The following PLD5 variants were observed in gnomAD, a reference collection of about 807,000 sequenced individuals.
PLD5 encodes inactive phospholipase D5.
Under a neutral mutation model 61.1 loss-of-function variants are expected in PLD5, and 36 were observed. The observed-to-expected ratio is 0.59, with a 90% CI of 0.45 to 0.78. The LOEUF (loss-of-function observed/expected upper bound fraction) is 0.78, where lower values mean the gene tolerates loss of function less well. PLD5 is among the 30% of genes least tolerant of loss of function. The pLI is 0.00. For missense variants in PLD5, 515 were observed against 644.4 expected (o/e 0.80, Z 2.17); for synonymous variants, 243 against 242.8 (o/e 1.00, Z -0.01).
At chr1:242,210,525 C>G (rs1669740899) in intron 5 of PLD5, 1 of 153,494 alleles carries the variant, frequency 6.5e-6, no homozygotes, top group African/African-American at 2.4e-5. Flanking sequence ...GTGAAAATGG[C>G]CGGTCCTTGC....
Position 242,395,557 on chromosome 1 carries a change from G to A in PLD5, c.190-47315C>T, listed in dbSNP as rs1364120372. 2.6e-5 allele frequency among the ~76,000 whole-genome samples: 4 copies of A among 152,244 alleles called. No homozygotes were observed. In the East Asian group the frequency reaches 7.7e-4, roughly 29 times the overall value. The stretch of plus-strand genomic sequence containing the variant: ...AAACTTGACCACAAGCAAATCATTT[G>A]TACTAACTATTGGAGATATTGCAAG... On this transcript the variant is annotated intron_variant, in intron 1 of 9. Transcript: ENST00000536534.
intron 4 of PLD5, among the ~76,000 whole-genome samples, chr1:242,249,646 A>G (rs745335985): frequency 5.3e-5 from 8 of 152,212 alleles, no homozygotes; most frequent in Non-Finnish European, 8.8e-5. Flanking sequence ...AACTTAGAAC[A>G]CCTCAGCAAA....
chr1:242,107,505 T>TCC (rs58760597), intron 8 of PLD5, among the ~76,000 whole-genome samples, 166 bp downstream of exon 8: 38 of 144,478 alleles, frequency 2.6e-4, no homozygotes, highest in African/African-American at 8.3e-4. Flanking sequence ...AGCTCTACTC[T>TCC]TTTTTTCGTA....
intron 1 of PLD5, among the ~76,000 whole-genome samples, chr1:242,387,008 T>A (rs938229827): frequency 2.0e-5 from 3 of 152,326 alleles, no homozygotes. Flanking sequence ...AGGGGGAAAT[T>A]ATACTCACAG....
chr1:242,249,556 C>A (rs1008635315), intron 4 of PLD5, among the ~76,000 whole-genome samples: 1 of 152,128 alleles, frequency 6.6e-6, no homozygotes, highest in Admixed American at 6.5e-5. Flanking sequence ...AACATTAATA[C>A]CCTTGACTTT....
At chr1:242,342,242 AGTG>A (rs1199512607) in intron 2 of PLD5, among the ~76,000 whole-genome samples, 2 of 152,190 alleles carry the variant, frequency 1.3e-5, no homozygotes, top group African/African-American at 4.8e-5. Context: ...GTCTCTAATA[AGTG>A]GTGGAGTAGC....
chr1:242,277,027 C>T (rs2455523), intron 3 of PLD5, among the ~76,000 whole-genome samples: 1 of 152,090 alleles, frequency 6.6e-6, no homozygotes, highest in Non-Finnish European at 1.5e-5. Context: ...AAGCAGGAGG[C>T]TGGTAACCAG....
chr1:242,134,650 T>C (rs1004116334), intron 5 of PLD5, among the ~76,000 whole-genome samples: 1 of 152,230 alleles, frequency 6.6e-6, no homozygotes, highest in Non-Finnish European at 1.5e-5. Flanking sequence ...TTTTTACTTC[T>C]GTGTGTTGCT....
intron 4 of PLD5, among the ~76,000 whole-genome samples, chr1:242,240,118 A>C (rs1671902064): frequency 6.6e-6 from 1 of 152,170 alleles, no homozygotes; most frequent in Admixed American, 6.5e-5. Flanking sequence ...TTTATTTTAC[A>C]CTGCACATGG....
chr1:242,363,042 A>G (rs1661155971), intron 1 of PLD5, among the ~76,000 whole-genome samples: 1 of 152,116 alleles, frequency 6.6e-6, no homozygotes, highest in East Asian at 1.9e-4. Context: ...AGGGCAGAAA[A>G]CCAGAGAGAG....
chr1:242,175,551 C>A (rs1165380675), intron 5 of PLD5, among the ~76,000 whole-genome samples: 1 of 152,188 alleles, frequency 6.6e-6, no homozygotes, highest in Non-Finnish European at 1.5e-5. Context: ...GACAAGGATG[C>A]CTTCTCTCAC....
At chr1:242,396,671 T>TC (rs201733563) in intron 1 of PLD5, among the ~76,000 whole-genome samples, 2,540 of 143,424 alleles carry the variant, frequency 0.018, 135 homozygotes, top group African/African-American at 0.059. Flanking sequence ...TTCTTTTCTT[T>TC]TCTTTTTTTT....
intron 1 of PLD5, among the ~76,000 whole-genome samples, chr1:242,425,223 G>A (rs1202561668): frequency 2.0e-5 from 3 of 152,146 alleles, no homozygotes; most frequent in Non-Finnish European, 4.4e-5. Flanking sequence ...CATGAACATC[G>A]TGGAGTGCAC....
chr1:242,152,737 T>G (rs1322717859), intron 5 of PLD5, among the ~76,000 whole-genome samples: 4 of 152,188 alleles, frequency 2.6e-5, no homozygotes, highest in Non-Finnish European at 2.9e-5. Context: ...GTGTCACATT[T>G]TCTTTAACCA....
At chr1:242,149,041 A>AGTACAGTGTGCAATAGGATTAGT (rs1664740799) in intron 5 of PLD5, among the ~76,000 whole-genome samples, 1 of 150,596 alleles carries the variant, frequency 6.6e-6, no homozygotes, top group African/African-American at 2.4e-5. Context: ...TATGACTTCC[A>AGTACAGTGTGCAATAGGATTAGT]GTACAATGTG....
Position 242,524,332 on chromosome 1 carries a change from G to C in PLD5, c.-56C>G. ...AGCGGACTCGGGACGGGCGCGCGGG[G>C]AGCCGGGCGCGGAGGGCGAGCGGGA... On this transcript the variant is annotated 5_prime_UTR_variant, in exon 1 of 10. Coordinates refer to ENST00000536534, the MANE Select transcript of PLD5 (RefSeq NM_001372062.1). 2 of 1,349,746 alleles carry C rather than the reference G, an allele frequency of 1.5e-6. No individual in the cohort carries two copies. Among genetic ancestry groups the C allele is most frequent in the Non-Finnish European group, 1.9e-6 (2 of 1,056,716 alleles). The allele number at this position is 1,349,746 out of a possible 1,614,324, so 83.6% of individuals were successfully genotyped here.
At chr1:242,099,959 T>C (rs1660560270) in intron 9 of PLD5, among the ~76,000 whole-genome samples, 1 of 152,172 alleles carries the variant, frequency 6.6e-6, no homozygotes, top group Non-Finnish European at 1.5e-5. Context: ...CTCATATATA[T>C]CATGGAAAAC....
At chr1:242,499,591 T>C (rs1236177286) in intron 1 of PLD5, among the ~76,000 whole-genome samples, 2 of 152,206 alleles carry the variant, frequency 1.3e-5, no homozygotes, top group African/African-American at 4.8e-5. Flanking sequence ...TCTTGTTTTT[T>C]CACTTTTTGT....
At chr1:242,317,830 T>G (rs1307335243) in intron 2 of PLD5, among the ~76,000 whole-genome samples, 1 of 151,858 alleles carries the variant, frequency 6.6e-6, no homozygotes, top group Non-Finnish European at 1.5e-5. Context: ...GCCAGAGAAA[T>G]GTTCCACAGA....
Sources: allele counts gnomAD v4.1 joint callset (sites outside exome capture counted in the v4.1 genomes callset), GRCh38; gene constraint gnomAD v4.1.1; transcripts MANE v1.5; gene names NCBI Gene and HGNC (gene_info 2026-07-23, HGNC 2026-07-21).